The following PUM1 variants were observed in gnomAD, a reference collection of about 807,000 sequenced individuals.
PUM1 encodes the protein pumilio RNA binding family member 1.
A neutral mutation model predicts 131.8 loss-of-function variants in PUM1; 13 were observed. That is an observed-to-expected ratio of 0.10 (90% CI 0.06 to 0.16). The LOEUF (loss-of-function observed/expected upper bound fraction) is 0.16. Ranked by LOEUF, PUM1 falls within the 10% of genes least tolerant of loss-of-function variation. PUM1 has a pLI of 1.00. For synonymous variants in PUM1, 509 were observed against 556.5 expected (o/e 0.91, Z 1.20); for missense variants, 961 against 1,512.4 (o/e 0.64, Z 6.05).
chr1:30,955,022 T>C (rs371310394), intron 14 of PUM1, among the ~76,000 whole-genome samples: 1 of 151,662 alleles, frequency 6.6e-6, no homozygotes, highest in East Asian at 1.9e-4. Context: ...TAAGCCATGA[T>C]TGCACCACTC....
At chr1:31,057,280 G>A (rs1430783661) in intron 2 of PUM1, among the ~76,000 whole-genome samples, 1 of 151,802 alleles carries the variant, frequency 6.6e-6, no homozygotes, top group Non-Finnish European at 1.5e-5. Flanking sequence ...TTGCAAACCT[G>A]TAGTCCCAGC....
rs201378144 is a variant in PUM1 at position 30,955,367 on chromosome 1, TG to T, written c.2324-1387del. On this transcript the variant is annotated intron_variant, in intron 14 of 21. Transcript: ENST00000426105. Reference sequence around the variant, plus strand: ...CTGTAATCCCAGCTACTTGGGAGGCTGAGGCAGGAGAATGGCGAACCCCGGA... The same window carrying T: ...CTGTAATCCCAGCTACTTGGGAGGCTAGGCAGGAGAATGGCGAACCCCGGA... 4.1e-3 allele frequency among the ~76,000 whole-genome samples: 603 copies of T among 148,092 alleles called. 3 individuals carry two copies. Among genetic ancestry groups the T allele is most frequent in the African/African-American group, 0.014 (582 of 40,172 alleles).
chr1:30,981,237 G>A lies in PUM1; in HGVS notation c.1252+75C>T, dbSNP rs1482975167. 3 of 904,964 alleles carry A rather than the reference G, an allele frequency of 3.3e-6. No homozygotes were observed. The African/African-American group carries it at 5.1e-5, about 15-fold the overall frequency. 56.1% of individuals were successfully genotyped at this position (904,964 alleles called of 1,614,324 possible). On this transcript the variant is annotated intron_variant, in intron 8 of 21. Coordinates refer to ENST00000426105, the MANE Select transcript of PUM1 (RefSeq NM_001020658.2). ...ACTTTTATAATCAGTTTAAATTACT[G>A]GGTTTCACAGCAACCAGTTATCCTA...
intron 2 of PUM1, among the ~76,000 whole-genome samples, chr1:31,033,686 G>A (rs181071189): frequency 6.6e-6 from 1 of 152,038 alleles, no homozygotes; most frequent in Non-Finnish European, 1.5e-5. Flanking sequence ...TTTTGAGACA[G>A]GGTCTGGCTC....
rs1270306242 is a variant in PUM1 at position 30,992,595 on chromosome 1, C to G, written c.953G>C (p.Gly318Ala). Residue 318 changes from glycine to alanine, a missense_variant, in exon 7 of 22, where the codon GGT becomes GCT. Coordinates refer to ENST00000426105, the MANE Select transcript of PUM1 (RefSeq NM_001020658.2). ...GGTCAGCTGGGCTAAGCCCTCAGAA[C>G]CATTCTGGTTTGGACCCAGAAGATC... Reference protein sequence around the residue: ...EVDLLGPNQNGSEGLAQLTST... With the variant: ...EVDLLGPNQNASEGLAQLTST... The G allele has an allele frequency of 1.9e-6, 3 of 1,614,088 alleles. No homozygotes were observed. Among genetic ancestry groups the G allele is most frequent in the African/African-American group, 1.3e-5 (1 of 74,938 alleles).
At chr1:30,940,308 T>G (rs1440643025) in intron 20 of PUM1, among the ~76,000 whole-genome samples, 1 of 152,074 alleles carries the variant, frequency 6.6e-6, no homozygotes, top group Non-Finnish European at 1.5e-5. Context: ...AAACCCTGTC[T>G]CTACAAAAAT....
intron 2 of PUM1, among the ~76,000 whole-genome samples, chr1:31,043,369 A>G (rs1252937592): frequency 1.3e-5 from 2 of 150,752 alleles, no homozygotes; most frequent in African/African-American, 4.9e-5. Context: ...ATGTCCGGCT[A>G]ATTTTTTTTT....
intron 1 of PUM1, among the ~76,000 whole-genome samples, chr1:31,060,965 T>C (rs896018241): frequency 1.3e-5 from 2 of 151,490 alleles, no homozygotes; most frequent in Non-Finnish European, 2.9e-5. Flanking sequence ...AAAGAAACAA[T>C]AAAACCCTCT....
At chr1:31,041,589 G>A (rs960298198) in intron 2 of PUM1, among the ~76,000 whole-genome samples, 4 of 152,018 alleles carry the variant, frequency 2.6e-5, no homozygotes, top group Non-Finnish European at 5.9e-5. Context: ...CCATGGTAAT[G>A]AGTGAGTTCT....
chr1:31,028,885 G>A (rs1398972060), intron 2 of PUM1, 21 bp from the exon 3 acceptor site: 3 of 1,598,426 alleles, frequency 1.9e-6, no homozygotes, highest in East Asian at 2.2e-5. Flanking sequence ...GAATAGAGAA[G>A]GAAAAATCTT....
chr1:31,040,610 G>A lies in PUM1; in HGVS notation c.364-11746C>T, dbSNP rs974037458. Among the ~76,000 whole-genome samples the A allele has an allele frequency of 1.4e-4, 22 of 152,114 alleles. 1 individual carries two copies. The highest frequency in any genetic ancestry group is 1.4e-3 in the Admixed American group (22 of 15,264). ...CCAGTAAGGACTGGAGAGGCAAGCT[G>A]GACCAAAACACAAAAGACAGCTGGG... On this transcript the variant is annotated intron_variant, in intron 2 of 21. Coordinates refer to ENST00000426105, the MANE Select transcript of PUM1 (RefSeq NM_001020658.2).
chr1:31,036,471 G>A (rs765830200), intron 2 of PUM1, among the ~76,000 whole-genome samples: 1 of 152,058 alleles, frequency 6.6e-6, no homozygotes, highest in African/African-American at 2.4e-5. Flanking sequence ...CAGTACTTTC[G>A]AGGCCAAGGC....
At chr1:31,005,787 A>G (rs1273357718) in intron 5 of PUM1, 66 bp downstream of exon 5, 1 of 1,377,222 alleles carries the variant, frequency 7.3e-7, no homozygotes, top group Non-Finnish European at 9.5e-7. Context: ...CTTTAGGGGA[A>G]AAAAAGAGAG....
chr1:31,064,565 T>C (rs1459890640), intron 1 of PUM1, among the ~76,000 whole-genome samples: 1 of 152,158 alleles, frequency 6.6e-6, no homozygotes, highest in Non-Finnish European at 1.5e-5. Context: ...TAACTGACTT[T>C]AAAACAGAAC....
chr1:31,052,946 C>T (rs188343443), intron 2 of PUM1, among the ~76,000 whole-genome samples: 19 of 151,872 alleles, frequency 1.3e-4, no homozygotes, highest in Non-Finnish European at 1.3e-4. Context: ...TCAACTGATC[C>T]GCCCACCTCG....
rs148949438 is a variant in PUM1 at position 30,981,706 on chromosome 1, T to C, written c.1159-301A>G. Among the ~76,000 whole-genome samples the C allele has an allele frequency of 2.1e-3, 323 of 150,424 alleles. 1 individual carries two copies. Among genetic ancestry groups the C allele is most frequent in the African/African-American group, 7.3e-3 (301 of 41,388 alleles). Reference sequence around the variant, plus strand: ...CACACACACACACACACATATGAGATATCTATATCTATATCTATATATCTA... The same window carrying C: ...CACACACACACACACACATATGAGACATCTATATCTATATCTATATATCTA... On this transcript the variant is annotated intron_variant, in intron 7 of 21. Coordinates refer to ENST00000426105, the MANE Select transcript of PUM1 (RefSeq NM_001020658.2).
chr1:30,942,191 T>TCA (rs1553143894), intron 18 of PUM1, 68 bp from the exon 19 acceptor site: 4 of 145,278 alleles, frequency 2.8e-5, no homozygotes, highest in South Asian at 2.1e-4. Flanking sequence ...TCAGTATTGT[T>TCA]TATATATATA....
At chr1:30,998,756 T>C (rs1642077428) in intron 5 of PUM1, among the ~76,000 whole-genome samples, 2 of 152,292 alleles carry the variant, frequency 1.3e-5, no homozygotes, top group South Asian at 4.1e-4. Flanking sequence ...AAATTTACAG[T>C]GAATGCTCAG....
chr1:30,957,559 T>G (rs1640222256), intron 14 of PUM1, among the ~76,000 whole-genome samples: 1 of 152,188 alleles, frequency 6.6e-6, no homozygotes, highest in Admixed American at 6.5e-5. Flanking sequence ...TTCATAGGAG[T>G]GTGTCCTATG....
Sources: allele counts gnomAD v4.1 joint callset (sites outside exome capture counted in the v4.1 genomes callset), GRCh38; gene constraint gnomAD v4.1.1; transcripts MANE v1.5; gene names NCBI Gene and HGNC (gene_info 2026-07-23, HGNC 2026-07-21).